Variants in SLC39A11 observed in about 807,000 individuals in gnomAD.
SLC39A11 encodes the protein zinc transporter ZIP11.
SLC39A11 carries 33 observed loss-of-function variants against 36.1 expected under a neutral mutation model. The observed-to-expected ratio is 0.91, with a 90% CI of 0.69 to 1.22. The LOEUF is 1.22. SLC39A11 is among the 50% of genes most tolerant of loss of function. SLC39A11 has a pLI of 0.00. For missense variants in SLC39A11, 432 were observed against 430.3 expected, an observed-to-expected ratio of 1.00 and a Z score of -0.03; for synonymous variants, 166 against 170.3, an observed-to-expected ratio of 0.97 and a Z score of 0.20.
rs957813810 is a variant in SLC39A11 at position 72,927,258 on chromosome 17, C to T, written c.430+20494G>A. Among the ~76,000 whole-genome samples, 7 of 152,008 alleles carry T rather than the reference C, an allele frequency of 4.6e-5. No individual in the cohort carries two copies. The South Asian group carries it at 6.2e-4, about 14-fold the overall frequency. ...TAGAGATAAAAAAAAAATGGGGTTT[C>T]GCCATGTTGGCCAGGCTGCTCTTGA... On this transcript the variant is annotated intron_variant, in intron 5 of 9. Transcript: ENST00000255559.
intron 5 of SLC39A11, among the ~76,000 whole-genome samples, chr17:72,896,020 T>C (rs1441516201): frequency 6.6e-6 from 1 of 152,052 alleles, no homozygotes; most frequent in Non-Finnish European, 1.5e-5. Flanking sequence ...TATGATTCAG[T>C]ATCTTAAACT....
At chr17:72,744,752 C>G (rs767958998) in intron 6 of SLC39A11, among the ~76,000 whole-genome samples, 1 of 152,210 alleles carries the variant, frequency 6.6e-6, no homozygotes, top group Non-Finnish European at 1.5e-5. Flanking sequence ...TAATCCCACT[C>G]ATGAGGGCTC....
chr17:72,867,404 G>A, intron 5 of SLC39A11, among the ~76,000 whole-genome samples: 1 of 152,172 alleles, frequency 6.6e-6, no homozygotes, highest in East Asian at 1.9e-4. Flanking sequence ...GGAGGCTGAG[G>A]CAGGAGAATT....
At chr17:72,893,468 AATATAT>A (rs1555618968) in intron 5 of SLC39A11, among the ~76,000 whole-genome samples, 11 of 151,814 alleles carry the variant, frequency 7.2e-5, no homozygotes, top group African/African-American at 2.7e-4. Flanking sequence ...AGGGAAAAAA[AATATAT>A]ATATATAGAT....
intron 6 of SLC39A11, among the ~76,000 whole-genome samples, chr17:72,842,102 G>GTGTGTGTGTGTGTGTGTGCA (rs1555592106): frequency 6.6e-6 from 1 of 151,168 alleles, no homozygotes; most frequent in African/African-American, 2.4e-5. Flanking sequence ...GTGTGTGTGT[G>GTGTGTGTGTGTGTGTGTGCA]CACGCACGCG....
At chr17:73,029,271 G>A (rs896208136) in intron 4 of SLC39A11, among the ~76,000 whole-genome samples, 3 of 152,006 alleles carry the variant, frequency 2.0e-5, no homozygotes, top group Non-Finnish European at 4.4e-5. Flanking sequence ...AGACCCACAA[G>A]GATTGCAGAG....
chr17:72,708,930 TTTTTC>T (rs926121525), intron 7 of SLC39A11, among the ~76,000 whole-genome samples: 7 of 147,558 alleles, frequency 4.7e-5, no homozygotes, highest in African/African-American at 7.9e-5. Context: ...GGCAAAGCCT[TTTTTC>T]TTTTCTTTTT....
intron 7 of SLC39A11, among the ~76,000 whole-genome samples, chr17:72,729,032 C>T (rs895538271): frequency 1.3e-5 from 2 of 152,024 alleles, no homozygotes; most frequent in Non-Finnish European, 2.9e-5. Flanking sequence ...GTGGGGTGGG[C>T]TGTAAATATT....
chr17:72,949,379 T>G (rs2085703676), intron 4 of SLC39A11, among the ~76,000 whole-genome samples: 1 of 151,814 alleles, frequency 6.6e-6, no homozygotes. Context: ...CAGGCTGGTC[T>G]CAAACTCCTG....
At chr17:72,849,892 G>A in intron 5 of SLC39A11, 88 bp from the exon 6 acceptor site, 1 of 1,286,580 alleles carries the variant, frequency 7.8e-7, no homozygotes, top group Non-Finnish European at 1.0e-6. Context: ...ACAGCAGGAA[G>A]AAGCTTCTTT....
intron 6 of SLC39A11, among the ~76,000 whole-genome samples, chr17:72,810,085 A>AAC (rs2077387005): frequency 1.4e-4 from 1 of 7,088 alleles, no homozygotes; most frequent in Non-Finnish European, 2.6e-4. Flanking sequence ...CAAAAACAAC[A>AAC]AAAAAAAAAA....
intron 4 of SLC39A11, among the ~76,000 whole-genome samples, chr17:72,980,132 A>T (rs980708804): frequency 7.2e-5 from 11 of 152,208 alleles, no homozygotes; most frequent in African/African-American, 2.2e-4. Context: ...ATTACTGTAC[A>T]TGTACAAATC....
intron 6 of SLC39A11, among the ~76,000 whole-genome samples, chr17:72,750,872 G>A (rs1336470442): frequency 6.6e-6 from 1 of 152,180 alleles, no homozygotes; most frequent in Non-Finnish European, 1.5e-5. Context: ...TCAGCGCCCT[G>A]GGATAGGCCC....
At chr17:72,986,239 G>C (rs1290886160) in intron 4 of SLC39A11, among the ~76,000 whole-genome samples, 2 of 152,212 alleles carry the variant, frequency 1.3e-5, no homozygotes, top group Non-Finnish European at 2.9e-5. Flanking sequence ...CCAGAAGCCT[G>C]ACGGCTGTGG....
rs753739637 is a variant in SLC39A11, at chr17:72,947,874, C to G, written c.308G>C (p.Gly103Ala). The G allele has an allele frequency of 1.9e-6, 3 of 1,613,700 alleles. No individual in the cohort carries two copies. In the South Asian group the frequency reaches 3.3e-5, roughly 18 times the overall value. Residue 103 changes from glycine to alanine, a missense_variant and splice_region_variant, in exon 5 of 10, where the codon GGT becomes GCT. Gly to Ala is a moderately conservative substitution (Grantham distance 60). Coordinates refer to ENST00000255559, the MANE Select transcript of SLC39A11 (RefSeq NM_139177.4). ...YLADLLMPHLGAAEDPQTTLA... is the reference protein window; with the variant it reads ...YLADLLMPHLAAAEDPQTTLA... ...GGTCGTCTGGGGGTCTTCTGCTGCA[C>G]CCTGAAACAAGAAGCGGTAACATCA...
intron 7 of SLC39A11, among the ~76,000 whole-genome samples, chr17:72,656,575 A>AGGAGGGC (rs146136864): frequency 0.11 from 16,902 of 151,758 alleles, 1,037 homozygotes; most frequent in African/African-American, 0.16. Flanking sequence ...ATTGGGGAGG[A>AGGAGGGC]GGATGACTCC....
At chr17:73,089,269 G>C (rs2060846327) in intron 1 of SLC39A11, among the ~76,000 whole-genome samples, 1 of 152,056 alleles carries the variant, frequency 6.6e-6, no homozygotes, top group African/African-American at 2.4e-5. Flanking sequence ...CCCAGCCAAA[G>C]GGTAAACTCC....
intron 6 of SLC39A11, among the ~76,000 whole-genome samples, chr17:72,805,740 C>CTT (rs1215224798): frequency 6.7e-6 from 1 of 149,320 alleles, no homozygotes; most frequent in African/African-American, 2.5e-5. Context: ...ATTTTTTTTT[C>CTT]TTTTTCTTTT....
At chr17:72,739,670 A>T (rs2074588660) in intron 6 of SLC39A11, among the ~76,000 whole-genome samples, 1 of 152,194 alleles carries the variant, frequency 6.6e-6, no homozygotes, top group African/African-American at 2.4e-5. Flanking sequence ...TGCACACCTT[A>T]GCAGCCCACA....
Sources: gnomAD v4.1 joint callset for allele counts (sites outside exome capture counted in the v4.1 genomes callset) on GRCh38, gnomAD v4.1.1 for gene constraint, MANE v1.5 for transcripts, NCBI Gene and HGNC (gene_info 2026-07-23, HGNC 2026-07-21) for gene names.